Variants in FNDC3A observed in about 807,000 individuals in gnomAD.
FNDC3A encodes fibronectin type-III domain-containing protein 3A.
In FNDC3A, 32 loss-of-function variants were observed where a neutral mutation model predicts 148.9. The observed-to-expected ratio is 0.21, with a 90% CI of 0.16 to 0.29. FNDC3A has a LOEUF of 0.29. Among genes scored for constraint, FNDC3A ranks in the 10% least tolerant of loss-of-function variants. The pLI is 1.00. For missense variants in FNDC3A, 1,191 were observed against 1,452.8 expected (o/e 0.82, Z 2.93); for synonymous variants, 472 against 473.6 (o/e 1.00, Z 0.04).
intron 2 of FNDC3A, among the ~76,000 whole-genome samples, chr13:49,025,196 G>T (rs554726577): frequency 6.6e-6 from 1 of 151,908 alleles, no homozygotes; most frequent in South Asian, 2.1e-4. Flanking sequence ...TGTTCCTGAG[G>T]ATTTATAATT....
intron 3 of FNDC3A, among the ~76,000 whole-genome samples, chr13:49,106,773 CAAA>C (rs543962565): frequency 7.5e-5 from 6 of 79,880 alleles, no homozygotes; most frequent in African/African-American, 1.6e-4. Flanking sequence ...TGAATGAAAG[CAAA>C]AAAAAAAAAA....
intron 14 of FNDC3A, among the ~76,000 whole-genome samples, chr13:49,182,438 C>T (rs140141584): frequency 1.3e-5 from 2 of 152,136 alleles, no homozygotes; most frequent in Non-Finnish European, 2.9e-5. Flanking sequence ...ACGATCAAAG[C>T]CTTCAGAGCC....
intron 2 of FNDC3A, among the ~76,000 whole-genome samples, chr13:49,024,275 C>T (rs1031586573): frequency 2.6e-5 from 4 of 151,992 alleles, no homozygotes; most frequent in Admixed American, 2.0e-4. Flanking sequence ...GATGGCCTCA[C>T]TGCTGAATTC....
intron 1 of FNDC3A, among the ~76,000 whole-genome samples, chr13:48,998,420 C>A (rs1183886370): frequency 1.3e-5 from 2 of 152,120 alleles, no homozygotes; most frequent in Non-Finnish European, 2.9e-5. Flanking sequence ...AAAACTTTGT[C>A]TCATGCACAA....
chr13:49,153,071 C>A (rs1883418773), intron 8 of FNDC3A, among the ~76,000 whole-genome samples: 1 of 151,960 alleles, frequency 6.6e-6, no homozygotes, highest in South Asian at 2.1e-4. Context: ...ATTTCTACTT[C>A]TAGATCCCTG....
At chr13:49,051,100 C>T (rs1047575632) in intron 2 of FNDC3A, among the ~76,000 whole-genome samples, 1 of 152,142 alleles carries the variant, frequency 6.6e-6, no homozygotes, top group Non-Finnish European at 1.5e-5. Flanking sequence ...CTTATCTATT[C>T]TGCCATTCTG....
At chr13:49,200,850 C>T (rs1886388624) in intron 23 of FNDC3A, among the ~76,000 whole-genome samples, 1 of 151,820 alleles carries the variant, frequency 6.6e-6, no homozygotes, top group East Asian at 1.9e-4. Flanking sequence ...ACTATATACA[C>T]TTGCTGTGGG....
intron 2 of FNDC3A, among the ~76,000 whole-genome samples, chr13:49,013,510 A>G (rs1258867472): frequency 6.6e-6 from 1 of 151,884 alleles, no homozygotes; most frequent in African/African-American, 2.4e-5. Flanking sequence ...ATGCGTATAC[A>G]TATGTACACG....
At chr13:49,005,503 T>C (rs1194030352) in intron 1 of FNDC3A, among the ~76,000 whole-genome samples, 1 of 151,892 alleles carries the variant, frequency 6.6e-6, no homozygotes, top group Non-Finnish European at 1.5e-5. Context: ...TATATGTTTT[T>C]TTGTTGAAAT....
At chr13:49,065,554 A>C (rs1037577522) in intron 2 of FNDC3A, among the ~76,000 whole-genome samples, 2 of 152,234 alleles carry the variant, frequency 1.3e-5, no homozygotes, top group Non-Finnish European at 2.9e-5. Context: ...AGAACAAGAT[A>C]TACTACATTG....
chr13:49,104,364 A>G (rs1461944109), intron 3 of FNDC3A, among the ~76,000 whole-genome samples: 1 of 152,126 alleles, frequency 6.6e-6, no homozygotes, highest in Non-Finnish European at 1.5e-5. Flanking sequence ...CTCTACTAAA[A>G]ATACAAAAAA....
chr13:48,988,984 A>G (rs1020408884), intron 1 of FNDC3A, among the ~76,000 whole-genome samples: 12 of 152,228 alleles, frequency 7.9e-5, no homozygotes, highest in South Asian at 2.1e-4. Flanking sequence ...GAAAGAGCCA[A>G]CTAAAAAGAT....
rs137967399 is a variant in FNDC3A at position 49,118,415 on chromosome 13, C to T, written c.252+3684C>T. Among the ~76,000 whole-genome samples the T allele has an allele frequency of 2.1e-3, 319 of 152,302 alleles. 2 individuals carry two copies. Among genetic ancestry groups the T allele is most frequent in the African/African-American group, 7.1e-3 (295 of 41,578 alleles). ...CCACCAGGGCCCTGGGATTCAAGCA[C>T]AAAACTGGGCAGGCATTTGGGCAGA... On this transcript the variant is annotated intron_variant, in intron 4 of 25. Transcript: ENST00000492622.
chr13:49,190,678 C>G (rs1458900060), intron 17 of FNDC3A, among the ~76,000 whole-genome samples: 1 of 152,074 alleles, frequency 6.6e-6, no homozygotes, highest in Non-Finnish European at 1.5e-5. Flanking sequence ...TGGAGAAGAT[C>G]AAAAATATTG....
intron 8 of FNDC3A, among the ~76,000 whole-genome samples, chr13:49,151,182 G>A (rs577767393): frequency 2.0e-5 from 3 of 152,124 alleles, no homozygotes; most frequent in Non-Finnish European, 4.4e-5. Flanking sequence ...AGAGTGGGGG[G>A]TTGAAGTCCC....
chr13:49,176,488 G>C (rs1433883454), intron 13 of FNDC3A, among the ~76,000 whole-genome samples: 1 of 152,132 alleles, frequency 6.6e-6, no homozygotes, highest in Non-Finnish European at 1.5e-5. Flanking sequence ...GTTGGAGGGT[G>C]GGGGGTTAAG....
chr13:49,182,417 T>TG (rs1241515921), intron 14 of FNDC3A, among the ~76,000 whole-genome samples: 1 of 151,792 alleles, frequency 6.6e-6, no homozygotes, highest in Non-Finnish European at 1.5e-5. Context: ...GGTGTCTAAA[T>TG]TTTTTTTTAA....
chr13:49,011,450 T>C (rs1452693953), intron 2 of FNDC3A, among the ~76,000 whole-genome samples: 1 of 152,184 alleles, frequency 6.6e-6, no homozygotes, highest in Non-Finnish European at 1.5e-5. Context: ...GCCAAGCTGA[T>C]CTCGAACTCC....
chr13:49,087,816 A>C (rs934973772), intron 3 of FNDC3A, among the ~76,000 whole-genome samples: 2 of 152,160 alleles, frequency 1.3e-5, no homozygotes, highest in African/African-American at 4.8e-5. Flanking sequence ...GTTTTTTATA[A>C]GAGGGGAAGT....
Sources: gnomAD v4.1 joint callset for allele counts (sites outside exome capture counted in the v4.1 genomes callset) on GRCh38, gnomAD v4.1.1 for gene constraint, MANE v1.5 for transcripts, NCBI Gene and HGNC (gene_info 2026-07-23, HGNC 2026-07-21) for gene names.